The following CAMKMT variants were observed in gnomAD, a reference collection of about 807,000 sequenced individuals.
CAMKMT encodes the protein calmodulin-lysine N-methyltransferase.
A neutral mutation model predicts 48.0 loss-of-function variants in CAMKMT; 53 were observed. The ratio of observed to expected loss-of-function variants is 1.10; its 90% confidence interval spans 0.89 to 1.39. The LOEUF is 1.39. Among genes scored for constraint, CAMKMT ranks in the 40% most tolerant of loss-of-function variants. CAMKMT has a pLI of 0.00. For synonymous variants in CAMKMT, 165 were observed against 152.3 expected, an observed-to-expected ratio of 1.08 and a Z score of -0.61; for missense variants, 428 against 402.7, an observed-to-expected ratio of 1.06 and a Z score of -0.54.
At chr2:44,725,143 CGTGTGTGTGTGTGTGT>C (rs4039394) in intron 7 of CAMKMT, among the ~76,000 whole-genome samples, 3 of 140,646 alleles carry the variant, frequency 2.1e-5, no homozygotes, top group African/African-American at 8.0e-5. Flanking sequence ...GCTTTCTGGA[CGTGTGTGTGTGTGTGT>C]GTGTGTGTGT....
intron 3 of CAMKMT, among the ~76,000 whole-genome samples, chr2:44,677,497 C>T (rs1271988091): frequency 6.6e-6 from 1 of 152,160 alleles, no homozygotes; most frequent in Non-Finnish European, 1.5e-5. Flanking sequence ...CACATCCAGC[C>T]ACATTGGAGA....
chr2:44,490,236 A>G (rs562733022), intron 3 of CAMKMT, among the ~76,000 whole-genome samples: 9 of 152,202 alleles, frequency 5.9e-5, no homozygotes, highest in South Asian at 4.1e-4. Context: ...TTTCAATAAT[A>G]GCTCATTTGT....
At chr2:44,587,457 C>T (rs1190647966) in intron 3 of CAMKMT, among the ~76,000 whole-genome samples, 1 of 147,886 alleles carries the variant, frequency 6.8e-6, no homozygotes, top group Non-Finnish European at 1.5e-5. Context: ...TCCCCCTCCC[C>T]CTGTCCCTCT....
chr2:44,676,880 A>T (rs1675725114), intron 3 of CAMKMT: 1 of 152,258 alleles, frequency 6.6e-6, no homozygotes, highest in Non-Finnish European at 1.5e-5. Context: ...TTTTTAAAAA[A>T]TTCTGTCTTC....
chr2:44,772,154 A>T lies in CAMKMT; in HGVS notation c.*41A>T, dbSNP rs752145984. The T allele has an allele frequency of 1.2e-5, 19 of 1,530,562 alleles. No homozygotes were observed. The highest frequency in any genetic ancestry group is 1.7e-5 in the Non-Finnish European group (19 of 1,109,786). 94.8% of individuals were successfully genotyped at this position (1,530,562 alleles called of 1,614,324 possible). ...AAAGACGAAGAAACGTATCAAGTGC[A>T]TAGGGAATATTTTTACAAAAACGGA... On this transcript the variant is annotated 3_prime_UTR_variant, in exon 11 of 11. Transcript: ENST00000378494.
chr2:44,396,771 A>G (rs892334908), intron 3 of CAMKMT, among the ~76,000 whole-genome samples: 1 of 151,722 alleles, frequency 6.6e-6, no homozygotes, highest in Admixed American at 6.6e-5. Context: ...AAAGAAAGAA[A>G]GGAACCAGGA....
At chr2:44,762,644 CTT>C (rs1274108788) in intron 9 of CAMKMT, among the ~76,000 whole-genome samples, 1 of 152,136 alleles carries the variant, frequency 6.6e-6, no homozygotes, top group African/African-American at 2.4e-5. Flanking sequence ...TACTCTAAAA[CTT>C]AAAGTATAAT....
intron 3 of CAMKMT, among the ~76,000 whole-genome samples, chr2:44,434,173 T>C (rs1684812272): frequency 6.6e-6 from 1 of 151,972 alleles, no homozygotes; most frequent in Non-Finnish European, 1.5e-5. Context: ...ATGTGTATGC[T>C]GAATGAAAAG....
chr2:44,688,193 C>CA (rs527983765), intron 3 of CAMKMT, among the ~76,000 whole-genome samples: 113 of 140,080 alleles, frequency 8.1e-4, no homozygotes, highest in African/African-American at 2.5e-3. Context: ...ATTTCCTTAA[C>CA]AAAAAAAAAA....
intron 3 of CAMKMT, chr2:44,550,604 C>G (rs1235992743): frequency 6.6e-6 from 1 of 152,112 alleles, no homozygotes; most frequent in Admixed American, 6.5e-5. Context: ...AATTTATAGG[C>G]TCCGTCTATC....
chr2:44,771,407 T>C (rs1314103225), intron 10 of CAMKMT, among the ~76,000 whole-genome samples: 1 of 152,200 alleles, frequency 6.6e-6, no homozygotes, highest in Admixed American at 6.5e-5. Flanking sequence ...GAAACCTAAC[T>C]GGATTTTAAA....
chr2:44,367,661 A>G (rs1290490827), intron 1 of CAMKMT, among the ~76,000 whole-genome samples: 4 of 152,058 alleles, frequency 2.6e-5, no homozygotes, highest in Non-Finnish European at 5.9e-5. Flanking sequence ...GCAGGCAGAT[A>G]TAAGACTAGC....
chr2:44,765,089 G>A (rs1291188825), intron 9 of CAMKMT, among the ~76,000 whole-genome samples: 4 of 152,064 alleles, frequency 2.6e-5, no homozygotes, highest in African/African-American at 7.2e-5. Flanking sequence ...TTAGCCAGGC[G>A]TGGTGGACTG....
At chr2:44,510,905 A>G (rs1670512667) in intron 3 of CAMKMT, among the ~76,000 whole-genome samples, 1 of 151,760 alleles carries the variant, frequency 6.6e-6, no homozygotes, top group Non-Finnish European at 1.5e-5. Flanking sequence ...TCGTGGCATG[A>G]TCTTGGCTCA....
chr2:44,424,985 C>A (rs913463435), intron 3 of CAMKMT, among the ~76,000 whole-genome samples: 4 of 152,150 alleles, frequency 2.6e-5, no homozygotes, highest in African/African-American at 9.7e-5. Context: ...TATACATGAT[C>A]TAGAACATGA....
At chr2:44,449,357 G>C (rs951147467) in intron 3 of CAMKMT, among the ~76,000 whole-genome samples, 2 of 152,124 alleles carry the variant, frequency 1.3e-5, no homozygotes, top group Admixed American at 6.5e-5. Context: ...TCTCTGTGCT[G>C]ATATACCCTC....
intron 3 of CAMKMT, among the ~76,000 whole-genome samples, chr2:44,691,613 T>C (rs900742054): frequency 6.6e-6 from 1 of 152,220 alleles, no homozygotes; most frequent in Non-Finnish European, 1.5e-5. Context: ...TCTGCCCTTC[T>C]CTCAGCTCAG....
chr2:44,506,953 CTT>C (rs1670291696), intron 3 of CAMKMT, among the ~76,000 whole-genome samples: 1 of 152,134 alleles, frequency 6.6e-6, no homozygotes. Context: ...CAAACATACT[CTT>C]TAAAACGTTT....
intron 3 of CAMKMT, among the ~76,000 whole-genome samples, chr2:44,475,716 A>C (rs1310068686): frequency 6.6e-6 from 1 of 152,194 alleles, no homozygotes; most frequent in Non-Finnish European, 1.5e-5. Context: ...GGACTGTTGG[A>C]TACCTCACTA....
Sources: gnomAD v4.1 joint callset for allele counts (sites outside exome capture counted in the v4.1 genomes callset) on GRCh38, gnomAD v4.1.1 for gene constraint, MANE v1.5 for transcripts, NCBI Gene and HGNC (gene_info 2026-07-23, HGNC 2026-07-21) for gene names.